Variants in KLF12 observed in about 807,000 individuals in gnomAD.
KLF12 encodes the protein Krueppel-like factor 12.
In KLF12, 9 loss-of-function variants were observed where a neutral mutation model predicts 37.8. The ratio of observed to expected loss-of-function variants is 0.24; its 90% CI spans 0.14 to 0.42. KLF12 has a LOEUF of 0.42. Among genes scored for constraint, KLF12 ranks in the 10% least tolerant of loss-of-function variants. KLF12 has a pLI of 1.00. For synonymous variants in KLF12, 208 were observed against 202.1 expected, an observed-to-expected ratio of 1.03 and a Z score of -0.25; for missense variants, 411 against 516.0, an observed-to-expected ratio of 0.80 and a Z score of 1.97.
chr13:73,813,876 A>G (rs575400642), intron 4 of KLF12, among the ~76,000 whole-genome samples: 27 of 152,296 alleles, frequency 1.8e-4, no homozygotes, highest in African/African-American at 6.5e-4. Flanking sequence ...CATTTTAGAA[A>G]TCTTGTTTAT....
chr13:74,245,367 T>G, the KLF12 span, among the ~76,000 whole-genome samples: 1 of 151,990 alleles, frequency 6.6e-6, no homozygotes, highest in African/African-American at 2.4e-5. Context: ...GTATTAAAAG[T>G]CTGAAAGTGG....
chr13:73,738,284 ACAGGTGCC>A, intron 6 of KLF12, among the ~76,000 whole-genome samples: 1 of 147,334 alleles, frequency 6.8e-6, no homozygotes, highest in East Asian at 2.0e-4. Context: ...AGCTGGGATT[ACAGGTGCC>A]CACCACCACG....
At chr13:73,989,872 A>G (rs528327496) in intron 2 of KLF12, among the ~76,000 whole-genome samples, 1 of 152,176 alleles carries the variant, frequency 6.6e-6, no homozygotes, top group African/African-American at 2.4e-5. Flanking sequence ...TTAGACAAAT[A>G]TCTCTTCATA....
chr13:73,688,152 GT>G lies in KLF12; in HGVS notation c.*7337del, dbSNP rs1873604063. The stretch of plus-strand genomic sequence containing the variant: ...CTATGAGAAATGACATTCTCTTAAT[GT>G]TTTCTAAGTCCATTAGTACTTCCAT... On this transcript the variant is annotated 3_prime_UTR_variant, in exon 8 of 8. Coordinates refer to ENST00000377669, the MANE Select transcript of KLF12 (RefSeq NM_007249.5). 1 of 152,556 alleles carries G rather than the reference GT, an allele frequency of 6.6e-6. No homozygotes were observed. Among genetic ancestry groups the G allele is most frequent in the Non-Finnish European group, 1.5e-5 (1 of 68,032 alleles). 9.5% of individuals were successfully genotyped at this position (152,556 alleles called of 1,614,324 possible).
At chr13:73,821,697 T>C (rs571642523) in intron 4 of KLF12, among the ~76,000 whole-genome samples, 2 of 152,268 alleles carry the variant, frequency 1.3e-5, no homozygotes, top group South Asian at 4.1e-4. Flanking sequence ...GTCTACCGAA[T>C]ATGGTTCAGC....
At chr13:74,280,964 C>T in the KLF12 span, among the ~76,000 whole-genome samples, 1 of 151,876 alleles carries the variant, frequency 6.6e-6, no homozygotes, top group African/African-American at 2.4e-5. Context: ...GATACTCTCT[C>T]CCACAACTAC....
At chr13:74,268,564 C>G in the KLF12 span, among the ~76,000 whole-genome samples, 1 of 152,144 alleles carries the variant, frequency 6.6e-6, no homozygotes, top group African/African-American at 2.4e-5. Flanking sequence ...AATTCAGAGG[C>G]TCATTGGAGG....
chr13:74,297,728 G>C, the KLF12 span, among the ~76,000 whole-genome samples: 1 of 152,136 alleles, frequency 6.6e-6, no homozygotes, highest in Non-Finnish European at 1.5e-5. Context: ...GTTATACAGA[G>C]ATTTCTATAA....
chr13:74,303,280 A>C, the KLF12 span, among the ~76,000 whole-genome samples: 1 of 152,136 alleles, frequency 6.6e-6, no homozygotes, highest in Non-Finnish European at 1.5e-5. Flanking sequence ...AGTTGCCCCA[A>C]GAACCTTCAC....
intron 1 of KLF12, among the ~76,000 whole-genome samples, chr13:74,043,653 T>C (rs576010776): frequency 1.3e-5 from 2 of 152,362 alleles, no homozygotes; most frequent in African/African-American, 4.8e-5. Flanking sequence ...TACAAAGGGA[T>C]AACAGCAGTA....
the KLF12 span, among the ~76,000 whole-genome samples, chr13:74,289,968 G>A: frequency 6.6e-6 from 1 of 152,114 alleles, no homozygotes; most frequent in Non-Finnish European, 1.5e-5. Flanking sequence ...GTAGCTGGAG[G>A]CCCTATATTA....
intron 1 of KLF12, among the ~76,000 whole-genome samples, chr13:74,032,729 C>G (rs889934215): frequency 2.6e-4 from 40 of 151,992 alleles, no homozygotes; most frequent in Admixed American, 2.6e-3. Flanking sequence ...CAGATTACCT[C>G]TTCCTGAAGT....
At chr13:73,808,757 CTT>C (rs1882777735) in intron 5 of KLF12, among the ~76,000 whole-genome samples, 2 of 152,134 alleles carry the variant, frequency 1.3e-5, no homozygotes, top group African/African-American at 2.4e-5. Flanking sequence ...AAAATCCAAA[CTT>C]GAACAGTTAT....
chr13:74,282,884 G>A, the KLF12 span, among the ~76,000 whole-genome samples: 1 of 152,198 alleles, frequency 6.6e-6, no homozygotes. Context: ...CTGGCTACAT[G>A]ATTCATGAAG....
chr13:73,763,623 T>C (rs1320887463), intron 6 of KLF12, among the ~76,000 whole-genome samples: 1 of 152,188 alleles, frequency 6.6e-6, no homozygotes, highest in Non-Finnish European at 1.5e-5. Flanking sequence ...ATTTACTCCA[T>C]GTTTTACATT....
At chr13:73,725,450 CTT>C (rs1285265604) in intron 6 of KLF12, among the ~76,000 whole-genome samples, 3 of 152,024 alleles carry the variant, frequency 2.0e-5, no homozygotes, top group Admixed American at 6.6e-5. Flanking sequence ...ACTAAGGAAA[CTT>C]ATAATGATAA....
the KLF12 span, among the ~76,000 whole-genome samples, chr13:74,176,294 C>T: frequency 6.6e-6 from 1 of 152,314 alleles, no homozygotes; most frequent in African/African-American, 2.4e-5. Context: ...CTCTACAACT[C>T]TACTACCCTC....
chr13:73,844,714 C>G (rs939135939), intron 4 of KLF12: 6 of 152,188 alleles, frequency 3.9e-5, no homozygotes, highest in Non-Finnish European at 7.4e-5. Context: ...CCACCTCATA[C>G]AAGAACCAAA....
At chr13:73,847,965 A>G (rs1885118458) in intron 3 of KLF12, among the ~76,000 whole-genome samples, 2 of 152,150 alleles carry the variant, frequency 1.3e-5, no homozygotes, top group Non-Finnish European at 2.9e-5. Context: ...TCTTATTACT[A>G]TATTATACCC....
Sources: gnomAD v4.1 joint callset for allele counts (sites outside exome capture counted in the v4.1 genomes callset) on GRCh38, gnomAD v4.1.1 for gene constraint, MANE v1.5 for transcripts, NCBI Gene and HGNC (gene_info 2026-07-23, HGNC 2026-07-21) for gene names.